Variants in ZNF141 observed in about 807,000 individuals in gnomAD.
ZNF141 encodes zinc finger protein 141.
ZNF141 carries 7 observed loss-of-function variants against 11.3 expected under a neutral mutation model. That is an observed-to-expected ratio of 0.62 (90% CI 0.35 to 1.16). The LOEUF (loss-of-function observed/expected upper bound fraction) is 1.16, where lower values mean the gene tolerates loss of function less well. Ranked by LOEUF, ZNF141 falls within the 50% of genes most tolerant of loss-of-function variation. The pLI is 0.02. For missense variants in ZNF141, 535 were observed against 554.0 expected (o/e 0.97, Z 0.34); for synonymous variants, 183 against 190.7 (o/e 0.96, Z 0.33).
intron 1 of ZNF141, among the ~76,000 whole-genome samples, chr4:339,734 C>A (rs1720963673): frequency 6.6e-6 from 1 of 152,150 alleles, no homozygotes; most frequent in African/African-American, 2.4e-5. Context: ...TCAAAATTGT[C>A]TTTAGGACAT....
chr4:369,325 G>A (rs896766010), intron 3 of ZNF141, among the ~76,000 whole-genome samples: 4 of 152,026 alleles, frequency 2.6e-5, no homozygotes, highest in African/African-American at 7.2e-5. Context: ...GACTTAAGAT[G>A]TACTTTGTGT....
rs1417483862 is a variant in ZNF141 at position 384,653 on chromosome 4, G to A, written c.*10791G>A. 3.3e-5 allele frequency: 5 copies of A among 152,134 alleles called. No individual in the cohort carries two copies. The highest frequency in any genetic ancestry group is 1.2e-4 in the African/African-American group (5 of 41,390). 9.4% of individuals were successfully genotyped at this position (152,134 alleles called of 1,614,324 possible). On this transcript the variant is annotated 3_prime_UTR_variant, in exon 4 of 4. Coordinates refer to ENST00000240499, the MANE Select transcript of ZNF141 (RefSeq NM_003441.4). ...TTGGGCACTCATGGGTAATAACCAA[G>A]ATGGAGTCACTGTGGTCAACTCCAG...
intron 3 of ZNF141, among the ~76,000 whole-genome samples, chr4:362,959 T>C (rs1711560423): frequency 6.6e-6 from 1 of 152,220 alleles, no homozygotes; most frequent in Non-Finnish European, 1.5e-5. Context: ...ATCTATAAAT[T>C]ACCTTGGGCA....
At position 379,868 on chromosome 4, in the gene ZNF141, C is replaced by G. The variant is rs547868323; in HGVS notation, c.*6006C>G. On this transcript the variant is annotated 3_prime_UTR_variant, in exon 4 of 4. Coordinates refer to ENST00000240499, the MANE Select transcript of ZNF141 (RefSeq NM_003441.4). ...TACATTGTCAAAAGCTTAATTCTAG[C>G]TGCTTAACAAATACTTCACCACACA... Among the ~76,000 whole-genome samples the G allele has an allele frequency of 6.6e-6, 1 of 152,326 alleles. No homozygotes were observed. Among genetic ancestry groups the G allele is most frequent in the Admixed American group, 6.5e-5 (1 of 15,306 alleles).
At chr4:363,221 A>G (rs1304330372) in intron 3 of ZNF141, among the ~76,000 whole-genome samples, 3 of 152,088 alleles carry the variant, frequency 2.0e-5, no homozygotes, top group Admixed American at 6.6e-5. Flanking sequence ...TTGCACATTG[A>G]TTTTGTGTCC....
At chr4:348,536 A>C (rs1721444411) in intron 3 of ZNF141, among the ~76,000 whole-genome samples, 1 of 152,086 alleles carries the variant, frequency 6.6e-6, no homozygotes, top group Admixed American at 6.6e-5. Context: ...AATATGGTGA[A>C]ACCCTGTCTC....
intron 3 of ZNF141, among the ~76,000 whole-genome samples, chr4:367,519 C>CTTT (rs782804343): frequency 6.7e-4 from 95 of 141,024 alleles, no homozygotes; most frequent in Non-Finnish European, 9.8e-4. Flanking sequence ...ACTTTACAAT[C>CTTT]TTTTTTTTTT....
chr4:367,428 G>T (rs920267629), intron 3 of ZNF141, among the ~76,000 whole-genome samples: 2 of 151,836 alleles, frequency 1.3e-5, no homozygotes, highest in African/African-American at 4.8e-5. Flanking sequence ...ACACTTTTGC[G>T]ACTTGAAGAT....
At position 373,583 on chromosome 4, in the gene ZNF141, G is replaced by T; in HGVS notation, c.1146G>T (p.Leu382=). ...CGKAFGRSRV[L]NEHKKIHTGE... ...AAGCCTTTGGACGGTCCAGGGTCCT[G>T]AATGAACATAAAAAAATTCATACTG... is the stretch of plus-strand genomic sequence containing the variant. The change falls in exon 4 of 4, where the codon CTG becomes CTT. Residue 382 remains leucine, a synonymous_variant. Coordinates refer to ENST00000240499, the MANE Select transcript of ZNF141 (RefSeq NM_003441.4). 6.2e-7 allele frequency: 1 copy of T among 1,608,500 alleles called. No individual in the cohort carries two copies. Among genetic ancestry groups the T allele is most frequent in the Non-Finnish European group, 8.5e-7 (1 of 1,178,024 alleles).
chr4:382,501 G>T lies in ZNF141; in HGVS notation c.*8639G>T, dbSNP rs1326317491. On this transcript the variant is annotated 3_prime_UTR_variant, in exon 4 of 4. Coordinates refer to ENST00000240499, the MANE Select transcript of ZNF141 (RefSeq NM_003441.4). ...CAAATGCAAAAAATGCAAAGAATTT[G>T]TAGGTATGATTAGTGCATTATAGGT... 2 of 152,164 alleles carry T rather than the reference G, an allele frequency of 1.3e-5. No individual in the cohort carries two copies. Among genetic ancestry groups the T allele is most frequent in the South Asian group, 4.1e-4 (2 of 4,832 alleles). The allele number at this position is 152,164 out of a possible 1,614,324, so 9.4% of individuals were successfully genotyped here.
intron 1 of ZNF141, among the ~76,000 whole-genome samples, chr4:340,861 A>C (rs892746017): frequency 3.3e-5 from 5 of 152,162 alleles, no homozygotes; most frequent in African/African-American, 1.2e-4. Context: ...TACTTCTATA[A>C]ACCAATAAGA....
Position 378,667 on chromosome 4 carries a change from A to G in ZNF141, c.*4805A>G, listed in dbSNP as rs193268358. 6.6e-6 allele frequency among the ~76,000 whole-genome samples: 1 copy of G among 152,184 alleles called. No individual in the cohort carries two copies. Among genetic ancestry groups the G allele is most frequent in the East Asian group, 1.9e-4 (1 of 5,184 alleles). On this transcript the variant is annotated 3_prime_UTR_variant, in exon 4 of 4. Transcript: ENST00000240499. Reference sequence around the variant, plus strand: ...GCACTGATCTTTTTTGTCCAGATTCATATTACAATCTTGAGGAATTTCTCA... The same window carrying G: ...GCACTGATCTTTTTTGTCCAGATTCGTATTACAATCTTGAGGAATTTCTCA...
chr4:350,891 C>T (rs1721563409), intron 3 of ZNF141, among the ~76,000 whole-genome samples: 1 of 151,914 alleles, frequency 6.6e-6, no homozygotes, highest in Non-Finnish European at 1.5e-5. Context: ...AGGTGCTTGC[C>T]ACCATGCCCG....
chr4:349,678 G>GA (rs1449613108), intron 3 of ZNF141, among the ~76,000 whole-genome samples: 1 of 152,226 alleles, frequency 6.6e-6, no homozygotes, highest in Non-Finnish European at 1.5e-5. Context: ...TTGCAGAGAA[G>GA]AAGGGTTGTA....
rs2108666432 is a variant in ZNF141 at position 384,543 on chromosome 4, CTT to C, written c.*10682_*10683del. On this transcript the variant is annotated 3_prime_UTR_variant, in exon 4 of 4. Coordinates refer to ENST00000240499, the MANE Select transcript of ZNF141 (RefSeq NM_003441.4). ...AATGAATCAACCTAAATGTCATTAACTTGACCCAGCTCCTTATAATGTTACTA... is the reference window on the plus strand; with the variant it reads ...AATGAATCAACCTAAATGTCATTAACGACCCAGCTCCTTATAATGTTACTA... The C allele has an allele frequency of 6.6e-6, 1 of 152,334 alleles. No homozygotes were observed. Among genetic ancestry groups the C allele is most frequent in the African/African-American group, 2.4e-5 (1 of 41,576 alleles). The allele number at this position is 152,334 out of a possible 1,614,324, so 9.4% of individuals were successfully genotyped here.
intron 3 of ZNF141, among the ~76,000 whole-genome samples, chr4:355,777 C>T (rs982630191): frequency 2.0e-5 from 3 of 152,186 alleles, no homozygotes; most frequent in African/African-American, 7.2e-5. Flanking sequence ...ACTTAGCTCA[C>T]AATCCTGGAT....
intron 3 of ZNF141, among the ~76,000 whole-genome samples, chr4:347,544 T>G (rs1721394414): frequency 1.3e-5 from 2 of 151,534 alleles, no homozygotes; most frequent in African/African-American, 4.9e-5. Context: ...TTTCGCTGTG[T>G]TAGCCAGGAT....
chr4:344,934 C>G (rs1430824768), intron 3 of ZNF141, among the ~76,000 whole-genome samples: 1 of 152,210 alleles, frequency 6.6e-6, no homozygotes, highest in Non-Finnish European at 1.5e-5. Flanking sequence ...TCCAAGAATT[C>G]TCTTTTTTCT....
intron 3 of ZNF141, among the ~76,000 whole-genome samples, chr4:353,466 ATTT>A (rs200906693): frequency 7.4e-6 from 1 of 134,604 alleles, no homozygotes; most frequent in African/African-American, 2.8e-5. Flanking sequence ...TATTATTATT[ATTT>A]TTTTTTTTTT....
Sources: gnomAD v4.1 joint callset for allele counts (sites outside exome capture counted in the v4.1 genomes callset) on GRCh38, gnomAD v4.1.1 for gene constraint, MANE v1.5 for transcripts, NCBI Gene and HGNC (gene_info 2026-07-23, HGNC 2026-07-21) for gene names.